The following ST3GAL3 variants were observed in gnomAD, a reference collection of about 807,000 sequenced individuals.
ST3GAL3 encodes the protein CMP-N-acetylneuraminate-beta-1,4-galactoside alpha-2,3-sialyltransferase.
ST3GAL3 carries 21 observed loss-of-function variants against 50.1 expected under a neutral mutation model. That is an observed-to-expected ratio of 0.42 (90% confidence interval 0.30 to 0.60). The LOEUF is 0.60. ST3GAL3 is among the 20% of genes least tolerant of loss of function. ST3GAL3 has a pLI of 0.19. For synonymous variants in ST3GAL3, 183 were observed against 190.0 expected (o/e 0.96, Z 0.30); for missense variants, 353 against 489.4 (o/e 0.72, Z 2.63).
intron 3 of ST3GAL3, among the ~76,000 whole-genome samples, chr1:43,809,992 C>CAAA (rs111982954): frequency 3.6e-4 from 28 of 78,426 alleles, no homozygotes; most frequent in African/African-American, 1.4e-3. Flanking sequence ...GACCCTGTCT[C>CAAA]AAAAAAAAAA....
rs3764833 is a variant in ST3GAL3 at position 43,920,970 on chromosome 1, G to C, written c.1038+42G>C. Reference sequence around the variant, plus strand: ...GGGGGCAATCCCTGGGTGGGGATGAGGGGGAGGTGCATAAATGAGTAGTAA... The same window carrying C: ...GGGGGCAATCCCTGGGTGGGGATGACGGGGAGGTGCATAAATGAGTAGTAA... On this transcript the variant is annotated intron_variant, in intron 11 of 11. Transcript: ENST00000347631. 69,181 of 1,563,580 alleles carry C rather than the reference G, an allele frequency of 0.044. 1,918 individuals are homozygous for C. Among genetic ancestry groups the C allele is most frequent in the East Asian group, 0.14 (5,952 of 42,060 alleles).
In ST3GAL3 at chr1:43,731,447, C is replaced by T. The variant is rs112415114; in HGVS notation, c.-30-4786C>T. On this transcript the variant is annotated intron_variant, in intron 1 of 11. Coordinates refer to ENST00000347631, the MANE Select transcript of ST3GAL3 (RefSeq NM_006279.5). ...TCACTCGGGCTGGAGTGCAGTGGCGCGATCTAGGCTCACTGCAAGCTCCAC... is the reference window on the plus strand; with the variant it reads ...TCACTCGGGCTGGAGTGCAGTGGCGTGATCTAGGCTCACTGCAAGCTCCAC... Among the ~76,000 whole-genome samples the T allele has an allele frequency of 1.1e-3, 154 of 143,930 alleles. 4 individuals carry two copies. The Middle Eastern group carries it at 0.015, about 14-fold the overall frequency. The allele number at this position is 143,930 out of a possible 152,430, so 94.4% of individuals were successfully genotyped here. A position where few individuals can be genotyped will look rare whatever the true frequency, so the allele number is the denominator to read the frequency against.
At chr1:43,889,243 ATTTAC>A (rs1012895755) in intron 5 of ST3GAL3, among the ~76,000 whole-genome samples, 4 of 144,942 alleles carry the variant, frequency 2.8e-5, no homozygotes, top group South Asian at 2.2e-4. Flanking sequence ...CGTTTCATTT[ATTTAC>A]TTATATCAAG....
intron 2 of ST3GAL3, among the ~76,000 whole-genome samples, chr1:43,740,212 A>C (rs1458981190): frequency 6.6e-6 from 1 of 151,784 alleles, no homozygotes; most frequent in African/African-American, 2.4e-5. Flanking sequence ...AAATACAAAA[A>C]ATTAGCCAGG....
chr1:43,791,974 C>A, intron 2 of ST3GAL3, 128 bp from the exon 3 acceptor site: 1 of 1,098,480 alleles, frequency 9.1e-7, no homozygotes, highest in Non-Finnish European at 1.4e-6. Flanking sequence ...GCCTGGGAGG[C>A]TGGGCTGTTC....
chr1:43,815,058 T>C, intron 4 of ST3GAL3, 125 bp downstream of exon 4: 1 of 948,650 alleles, frequency 1.1e-6, no homozygotes, highest in South Asian at 1.3e-5. Flanking sequence ...GCCTCTGTCC[T>C]CAGGCTGTCA....
chr1:43,898,351 A>G (rs866924004), intron 7 of ST3GAL3, 53 bp downstream of exon 7: 1 of 1,593,538 alleles, frequency 6.3e-7, no homozygotes, highest in Middle Eastern at 1.7e-4. Flanking sequence ...TGGTGTGCAG[A>G]GGTGTTGAGG....
intron 9 of ST3GAL3, among the ~76,000 whole-genome samples, chr1:43,903,640 C>T (rs1409458925): frequency 1.3e-5 from 2 of 152,178 alleles, no homozygotes; most frequent in African/African-American, 4.8e-5. Context: ...ACTTACCCTC[C>T]AGCTGTACTT....
intron 4 of ST3GAL3, among the ~76,000 whole-genome samples, chr1:43,832,520 G>T (rs2063678826): frequency 6.6e-6 from 1 of 152,156 alleles, no homozygotes; most frequent in Non-Finnish European, 1.5e-5. Context: ...GTGATGTCTA[G>T]GGTAGAATGG....
At chr1:43,820,823 C>T (rs999831263) in intron 4 of ST3GAL3, among the ~76,000 whole-genome samples, 12 of 152,202 alleles carry the variant, frequency 7.9e-5, no homozygotes, top group African/African-American at 2.9e-4. Context: ...TGGAGTCAGA[C>T]ATGGATTTTT....
intron 4 of ST3GAL3, chr1:43,824,893 G>GT: frequency 2.6e-6 from 2 of 766,306 alleles, no homozygotes; most frequent in Middle Eastern, 2.2e-4. Flanking sequence ...AGCTGCCCAG[G>GT]TGAGTCTAAT....
chr1:43,754,909 G>C (rs1464384456), intron 2 of ST3GAL3, among the ~76,000 whole-genome samples: 1 of 147,988 alleles, frequency 6.8e-6, no homozygotes, highest in African/African-American at 2.4e-5. Flanking sequence ...CTAGGTGATA[G>C]AGCAAAACCC....
intron 5 of ST3GAL3, among the ~76,000 whole-genome samples, chr1:43,882,533 C>A (rs995633728): frequency 1.3e-5 from 2 of 152,168 alleles, no homozygotes; most frequent in African/African-American, 4.8e-5. Context: ...TCTTTAGGCC[C>A]ACCTGAATCT....
chr1:43,828,842 C>T (rs1469523298), intron 4 of ST3GAL3, among the ~76,000 whole-genome samples: 2 of 152,152 alleles, frequency 1.3e-5, no homozygotes, highest in African/African-American at 4.8e-5. Context: ...CACAGTTTGG[C>T]CACTTTGGAG....
chr1:43,725,159 G>A (rs1433584695), intron 1 of ST3GAL3, among the ~76,000 whole-genome samples: 3 of 152,154 alleles, frequency 2.0e-5, no homozygotes, highest in Non-Finnish European at 2.9e-5. Context: ...ATTCTAGAGG[G>A]AGCATCTGCA....
chr1:43,769,974 A>G (rs1558221271), intron 2 of ST3GAL3, among the ~76,000 whole-genome samples: 1 of 152,256 alleles, frequency 6.6e-6, no homozygotes, highest in Admixed American at 6.5e-5. Flanking sequence ...GATTAGCTCA[A>G]TTGTCAATAT....
At chr1:43,772,788 C>T (rs1695775173) in intron 2 of ST3GAL3, 1 of 152,116 alleles carries the variant, frequency 6.6e-6, no homozygotes, top group Admixed American at 6.6e-5. Context: ...CACTCTGTCA[C>T]CAGGCTGGAG....
chr1:43,910,842 T>C (rs527374840), intron 9 of ST3GAL3, among the ~76,000 whole-genome samples: 1 of 152,366 alleles, frequency 6.6e-6, no homozygotes, highest in South Asian at 2.1e-4. Flanking sequence ...GAGAGGCATC[T>C]GCCCTGGGCC....
At chr1:43,721,574 G>A (rs1425589756) in intron 1 of ST3GAL3, among the ~76,000 whole-genome samples, 2 of 152,010 alleles carry the variant, frequency 1.3e-5, no homozygotes, top group African/African-American at 2.4e-5. Context: ...AAAGTGCTGG[G>A]ATTACAGGCA....
Sources: gnomAD v4.1 joint callset for allele counts (sites outside exome capture counted in the v4.1 genomes callset) on GRCh38, gnomAD v4.1.1 for gene constraint, MANE v1.5 for transcripts, NCBI Gene and HGNC (gene_info 2026-07-23, HGNC 2026-07-21) for gene names.